Variants in GALNT15 observed in about 807,000 individuals in gnomAD.
GALNT15 encodes UDP-GalNAc transferase T15.
A neutral mutation model predicts 66.8 loss-of-function variants in GALNT15; 67 were observed. The observed-to-expected ratio is 1.00, with a 90% CI of 0.82 to 1.23. GALNT15 has a LOEUF of 1.23. GALNT15 is among the 50% of genes most tolerant of loss of function. The pLI, the probability that GALNT15 is intolerant of heterozygous loss-of-function variation, is 0.00. For synonymous variants in GALNT15, 313 were observed against 311.5 expected (o/e 1.00, Z -0.05); for missense variants, 827 against 804.3 (o/e 1.03, Z -0.34).
At chr3:16,212,431 G>T in intron 5 of GALNT15, 138 bp from the exon 6 acceptor site, 1 of 779,270 alleles carries the variant, frequency 1.3e-6, no homozygotes, top group Non-Finnish European at 2.0e-6. Flanking sequence ...ACGCCACCCT[G>T]AGGACCATAA....
the GALNT15 span, among the ~76,000 whole-genome samples, chr3:16,240,360 G>C: frequency 5.9e-5 from 9 of 152,344 alleles, no homozygotes; most frequent in African/African-American, 1.7e-4. Flanking sequence ...AACCACTGGC[G>C]TGGATGACTT....
chr3:16,232,469 A>AATATATATATATAT (rs374444719), downstream of GALNT15, among the ~76,000 whole-genome samples: 14 of 38,746 alleles, frequency 3.6e-4, no homozygotes, highest in Non-Finnish European at 6.5e-4. Flanking sequence ...TAAATAAATA[A>AATATATATATATAT]ATATATATAT....
At position 16,211,961 on chromosome 3, in the gene GALNT15, G is replaced by A. The variant is rs1296785117; in HGVS notation, c.1198-608G>A. Among the ~76,000 whole-genome samples the A allele has an allele frequency of 6.6e-6, 1 of 152,082 alleles. No homozygotes were observed. The highest frequency in any genetic ancestry group is 2.4e-5 in the African/African-American group (1 of 41,394). ...CACATAATTTGGGAACTCCAGTTTT[G>A]GTGTTTCCATTCATATGCTGCTTAT... is the stretch of plus-strand genomic sequence containing the variant. On this transcript the variant is annotated intron_variant, in intron 5 of 9. Coordinates refer to ENST00000339732, the MANE Select transcript of GALNT15 (RefSeq NM_054110.5). The surrounding 1 kb of genome is among the most constrained non-coding windows in gnomAD (Gnocchi z 4.3).
At chr3:16,237,763 G>C in the GALNT15 span, among the ~76,000 whole-genome samples, 1 of 152,194 alleles carries the variant, frequency 6.6e-6, no homozygotes, top group Non-Finnish European at 1.5e-5. This position sits in a 1 kb window ranked among gnomAD's most constrained non-coding sequence, Gnocchi z 4.2. Context: ...GGGAGGCCCT[G>C]GCACCTGGGT....
rs748544847 is a variant in GALNT15, at chr3:16,211,208, G to GC, written c.1165dup (p.Arg389ProfsTer4). ...GAGCGTATGACTCTCTTATGTCGCT[G>GC]CGAGGTGGTGAAAACCTCGAACTGT... On this transcript the variant is annotated frameshift_variant, in exon 5 of 10. Coordinates refer to ENST00000339732, the MANE Select transcript of GALNT15 (RefSeq NM_054110.5). LOFTEE classifies it high-confidence loss of function. This position sits in a 1 kb window ranked among gnomAD's most constrained non-coding sequence, Gnocchi z 4.3. 5.7e-5 allele frequency: 92 copies of GC among 1,613,660 alleles called. No individual in the cohort carries two copies. Among genetic ancestry groups the GC allele is most frequent in the Admixed American group, 8.3e-5 (5 of 60,004 alleles).
chr3:16,214,888 C>T (rs904519057), intron 6 of GALNT15, among the ~76,000 whole-genome samples: 3 of 152,212 alleles, frequency 2.0e-5, no homozygotes, highest in Non-Finnish European at 4.4e-5. Context: ...CTACAGAGTT[C>T]TGTAGAGGTC....
In GALNT15 at chr3:16,187,031, C is replaced by T. The variant is rs1213077871; in HGVS notation, c.540-8729C>T. Among the ~76,000 whole-genome samples the T allele has an allele frequency of 3.3e-5, 5 of 151,966 alleles. No homozygotes were observed. Among genetic ancestry groups the T allele is most frequent in the African/African-American group, 7.3e-5 (3 of 41,378 alleles). ...CTGTAATCCCAGCACTTTGGGAGGCCGAGGCGGGTGGATCATGAGGTCAGG... is the reference window on the plus strand; with the variant it reads ...CTGTAATCCCAGCACTTTGGGAGGCTGAGGCGGGTGGATCATGAGGTCAGG... On this transcript the variant is annotated intron_variant, in intron 1 of 9. Transcript: ENST00000339732. The surrounding 1 kb of genome is among the most constrained non-coding windows in gnomAD (Gnocchi z 5.1).
At position 16,200,097 on chromosome 3, in the gene GALNT15, A is replaced by G. The variant is rs12494870; in HGVS notation, c.707-522A>G. On this transcript the variant is annotated intron_variant, in intron 2 of 9. Transcript: ENST00000339732. This position sits in a 1 kb window ranked among gnomAD's most constrained non-coding sequence, Gnocchi z 4.4. ...TGGTGGAAGGGGAAGCATGTCTTAC[A>G]TGGCAGCAAGTGAGAGAAAGAGAGA... Among the ~76,000 whole-genome samples the G allele has an allele frequency of 0.2, 30,967 of 151,966 alleles. 3,404 individuals are homozygous for G. Among genetic ancestry groups the G allele is most frequent in the South Asian group, 0.33 (1,568 of 4,796 alleles).
At chr3:16,215,110 G>A (rs1161010901) in intron 6 of GALNT15, among the ~76,000 whole-genome samples, 1 of 152,218 alleles carries the variant, frequency 6.6e-6, no homozygotes, top group African/African-American at 2.4e-5. Flanking sequence ...GGGTCATTAG[G>A]ACATGGCATG....
At chr3:16,247,947 A>G in the GALNT15 span, among the ~76,000 whole-genome samples, 3 of 152,202 alleles carry the variant, frequency 2.0e-5, no homozygotes, top group Non-Finnish European at 1.5e-5. Context: ...CCAGGCTTCC[A>G]GCTCATCTGT....
intron 1 of GALNT15, among the ~76,000 whole-genome samples, chr3:16,177,314 G>A (rs17041955): frequency 0.18 from 27,744 of 152,188 alleles, 2,656 homozygotes; most frequent in East Asian, 0.28. Context: ...TGCCTGAAAC[G>A]AGAGGGTCTG....
chr3:16,246,254 T>A, the GALNT15 span, among the ~76,000 whole-genome samples: 1 of 151,312 alleles, frequency 6.6e-6, no homozygotes, highest in Non-Finnish European at 1.5e-5. Flanking sequence ...CCCAGGGCCA[T>A]CCTGAGGGAA....
chr3:16,196,404 G>A (rs2063638226), intron 2 of GALNT15, among the ~76,000 whole-genome samples: 1 of 152,128 alleles, frequency 6.6e-6, no homozygotes, highest in Non-Finnish European at 1.5e-5. Context: ...AGGAAACTGG[G>A]GCCCAGAGAA....
At position 16,219,903 on chromosome 3, in the gene GALNT15, C is replaced by T. The variant is rs748557857; in HGVS notation, c.1525-7C>T. The T allele has an allele frequency of 1.9e-6, 3 of 1,610,376 alleles. No homozygotes were observed. The highest frequency in any genetic ancestry group is 2.5e-6 in the Non-Finnish European group (3 of 1,176,664). The stretch of plus-strand genomic sequence containing the variant: ...GAATTCACTCCTGTGTGTGTGTCCA[C>T]TTTCAGCTCCACAACACTGGACTTG... On this transcript the variant is annotated splice_region_variant and splice_polypyrimidine_tract_variant and intron_variant, in intron 7 of 9. Transcript: ENST00000339732. The surrounding 1 kb of genome is among the most constrained non-coding windows in gnomAD (Gnocchi z 4.3).
At chr3:16,206,251 C>T (rs1378982916) in intron 3 of GALNT15, among the ~76,000 whole-genome samples, 1 of 152,042 alleles carries the variant, frequency 6.6e-6, no homozygotes, top group Non-Finnish European at 1.5e-5. Flanking sequence ...GGCATGGTGG[C>T]TCATGCCTGT....
intron 4 of GALNT15, among the ~76,000 whole-genome samples, chr3:16,210,343 G>T (rs945790211): frequency 4.6e-5 from 7 of 152,134 alleles, no homozygotes; most frequent in Non-Finnish European, 7.4e-5. Flanking sequence ...GTATAATGTA[G>T]AATTTTTATA....
downstream of GALNT15, among the ~76,000 whole-genome samples, chr3:16,232,512 T>TATATATATATATATATATA (rs56354612): frequency 5.2e-4 from 21 of 40,172 alleles, 1 homozygote; most frequent in East Asian, 9.4e-4. Flanking sequence ...ATATATATAT[T>TATATATATATATATATATA]TATTTAAAAG....
At chr3:16,230,953 C>T (rs1012671677), downstream of GALNT15, among the ~76,000 whole-genome samples, 15 of 152,118 alleles carry the variant, frequency 9.9e-5, no homozygotes, top group Non-Finnish European at 2.2e-4. This position sits in a 1 kb window ranked among gnomAD's most constrained non-coding sequence, Gnocchi z 4.5. Context: ...CCATGGAATA[C>T]TATGCAGCCA....
chr3:16,201,160 ATTTTT>A (rs201186221), intron 3 of GALNT15, among the ~76,000 whole-genome samples: 1 of 142,970 alleles, frequency 7.0e-6, no homozygotes, highest in South Asian at 2.2e-4. Flanking sequence ...AAATTTGGCA[ATTTTT>A]TTTTCTTTTT....
Sources: allele counts gnomAD v4.1 joint callset (sites outside exome capture counted in the v4.1 genomes callset), GRCh38; gene constraint gnomAD v4.1.1; non-coding constraint Gnocchi (gnomAD v3.1); transcripts MANE v1.5; gene names NCBI Gene and HGNC (gene_info 2026-07-23, HGNC 2026-07-21).